DUSP16: variants seen among roughly 807,000 people sequenced by gnomAD.
DUSP16 encodes the protein dual specificity protein phosphatase 16.
DUSP16 carries 21 observed loss-of-function variants against 58.3 expected under a neutral mutation model. The ratio of observed to expected loss-of-function variants is 0.36; its 90% CI spans 0.26 to 0.52. DUSP16 has a LOEUF of 0.52. Ranked by LOEUF, DUSP16 falls within the 20% of genes least tolerant of loss-of-function variation. The pLI is 0.94. For synonymous variants in DUSP16, 320 were observed against 323.8 expected (o/e 0.99, Z 0.12); for missense variants, 726 against 819.0 (o/e 0.89, Z 1.39).
chr12:12,480,246 G>A lies in DUSP16; in HGVS notation c.792C>T (p.Asp264=), dbSNP rs759125027. The change falls in exon 6 of 7, where the codon GAC becomes GAT. Residue 264 remains aspartate, a synonymous_variant. Transcript: ENST00000298573. The part of the protein sequence containing the change: ...IAIAYIMKRM[D]MSLDEAYRFV... ...ACCTGTAAGCTTCATCTAAAGACAT[G>A]TCCATCCTCTTCATGATGTAGGCGA... 49 of 1,614,058 alleles carry A rather than the reference G, an allele frequency of 3.0e-5. No individual in the cohort carries two copies. The highest frequency in any genetic ancestry group is 4.1e-5 in the Non-Finnish European group (48 of 1,180,036).
chr12:12,552,035 T>C (rs190779572), intron 1 of DUSP16, among the ~76,000 whole-genome samples: 269 of 152,284 alleles, frequency 1.8e-3, no homozygotes, highest in African/African-American at 6.4e-3. Context: ...TGTATGCAGT[T>C]ACAAAATCAC....
In DUSP16 at chr12:12,562,209, A is replaced by C. The variant is rs907382947; in HGVS notation, c.-458T>G. The C allele has an allele frequency of 1.3e-5, 2 of 151,236 alleles. No homozygotes were observed. Among genetic ancestry groups the C allele is most frequent in the Non-Finnish European group, 2.9e-5 (2 of 67,866 alleles). The allele number at this position is 151,236 out of a possible 1,614,324, so 9.4% of individuals were successfully genotyped here. On this transcript the variant is annotated 5_prime_UTR_variant, in exon 1 of 7. Transcript: ENST00000298573. ...GCCCCCCTCGCCTCCCGGACTTGCGAGGCGCCGCCGCGGAGCCGAGAGGGC... is the reference window on the plus strand; with the variant it reads ...GCCCCCCTCGCCTCCCGGACTTGCGCGGCGCCGCCGCGGAGCCGAGAGGGC...
chr12:12,502,440 A>C (rs1026674513), intron 3 of DUSP16, among the ~76,000 whole-genome samples: 1 of 152,170 alleles, frequency 6.6e-6, no homozygotes, highest in African/African-American at 2.4e-5. Flanking sequence ...CACTTACTGA[A>C]GTTCTTAAGG....
chr12:12,539,220 G>C (rs1944514352), intron 1 of DUSP16, among the ~76,000 whole-genome samples: 1 of 152,154 alleles, frequency 6.6e-6, no homozygotes, highest in Non-Finnish European at 1.5e-5. Context: ...TGCTTACGAT[G>C]TTTTATATGT....
chr12:12,496,995 A>G (rs1370042861), intron 4 of DUSP16, among the ~76,000 whole-genome samples: 1 of 152,230 alleles, frequency 6.6e-6, no homozygotes, highest in African/African-American at 2.4e-5. Context: ...GGTAGCAGCC[A>G]CAAGCCACAC....
chr12:12,525,371 C>A (rs1592194463), intron 1 of DUSP16, among the ~76,000 whole-genome samples: 1 of 151,948 alleles, frequency 6.6e-6, no homozygotes, highest in Non-Finnish European at 1.5e-5. Context: ...CAGGTTCAAG[C>A]GATTCTCCTG....
chr12:12,503,373 A>C (rs540808584), intron 3 of DUSP16, among the ~76,000 whole-genome samples: 1 of 152,036 alleles, frequency 6.6e-6, no homozygotes, highest in Admixed American at 6.6e-5. Flanking sequence ...CTACAGGCGC[A>C]TGCCACCACA....
rs541023115 is a variant in DUSP16 at position 12,480,127 on chromosome 12, T to A, written c.815+96A>T. ...CCTGTAAAAAATGTGACTAAAATAA[T>A]CATGATCTGCTTTAATTTGGTTACC... On this transcript the variant is annotated intron_variant, in intron 6 of 6. Transcript: ENST00000298573. 1.9e-5 allele frequency: 28 copies of A among 1,475,606 alleles called. No individual in the cohort carries two copies. In the African/African-American group the frequency reaches 3.6e-4, roughly 19 times the overall value. 91.4% of individuals were successfully genotyped at this position (1,475,606 alleles called of 1,614,324 possible).
chr12:12,554,196 C>CAAAAAAAAAAAAAAAA (rs59499569), intron 1 of DUSP16, among the ~76,000 whole-genome samples: 2 of 66,156 alleles, frequency 3.0e-5, no homozygotes, highest in Non-Finnish European at 6.1e-5. Flanking sequence ...AACTGGGTCT[C>CAAAAAAAAAAAAAAAA]AAAAAAAAAA....
chr12:12,479,140 G>A (rs954299000), intron 6 of DUSP16, among the ~76,000 whole-genome samples: 1 of 152,040 alleles, frequency 6.6e-6, no homozygotes, highest in African/African-American at 2.4e-5. Context: ...ATACTAGATG[G>A]CTTTCATGTT....
At chr12:12,513,382 A>G (rs533782476) in intron 3 of DUSP16, among the ~76,000 whole-genome samples, 1 of 152,302 alleles carries the variant, frequency 6.6e-6, no homozygotes, top group African/African-American at 2.4e-5. Context: ...TCTCAAAAAG[A>G]CTGAGAAAGA....
chr12:12,487,292 G>A, intron 4 of DUSP16, 105 bp from the exon 5 acceptor site: 1 of 1,276,664 alleles, frequency 7.8e-7, no homozygotes, highest in Admixed American at 2.1e-5. Flanking sequence ...CAGTTTCCTT[G>A]AAATATAATT....
chr12:12,481,523 G>A (rs1943564737), intron 5 of DUSP16, among the ~76,000 whole-genome samples: 1 of 152,146 alleles, frequency 6.6e-6, no homozygotes, highest in South Asian at 2.1e-4. Context: ...TACTTTGGCA[G>A]CTGAATAATA....
chr12:12,513,957 ACT>A (rs1289588616), intron 3 of DUSP16, among the ~76,000 whole-genome samples: 1 of 152,198 alleles, frequency 6.6e-6, no homozygotes, highest in Non-Finnish European at 1.5e-5. Flanking sequence ...TTTTCAGAGA[ACT>A]AGTTTTCTGC....
intron 3 of DUSP16, among the ~76,000 whole-genome samples, chr12:12,502,785 AGGTGATC>A (rs1943928580): frequency 2.6e-5 from 4 of 152,116 alleles, no homozygotes; most frequent in African/African-American, 9.7e-5. Context: ...TCCTGACCTC[AGGTGATC>A]CACCTGCCTT....
At chr12:12,504,015 T>C (rs1943949607) in intron 3 of DUSP16, among the ~76,000 whole-genome samples, 1 of 152,238 alleles carries the variant, frequency 6.6e-6, no homozygotes. Flanking sequence ...GTGCCCACTG[T>C]TTAGAATTTA....
Position 12,477,025 on chromosome 12 carries a change from C to T in DUSP16, c.1806G>A (p.Lys602=), listed in dbSNP as rs1169368278. The T allele has an allele frequency of 6.2e-7, 1 of 1,614,154 alleles. No homozygotes were observed. Among genetic ancestry groups the T allele is most frequent in the African/African-American group, 1.3e-5 (1 of 74,956 alleles). The change falls in exon 7 of 7, where the codon AAG becomes AAA. Residue 602 remains lysine (K), a synonymous_variant. Transcript: ENST00000298573. The surrounding 1 kb of genome is among the most constrained non-coding windows in gnomAD (Gnocchi z 4.1). ...DQVYSVRRRQ[K]PSDRADSRRS... ...GCCGCGAGTCAGCTCTGTCACTTGG[C>T]TTCTGCCGCCTGCGCACAGAATAGA...
chr12:12,487,094 C>A lies in DUSP16; in HGVS notation c.625G>T (p.Val209Leu). ...TCACAAAAGCTGTCATTCACAGGCA[C>A]ACGCAGGAAATGAGACTCGGGGATA... is the stretch of plus-strand genomic sequence containing the variant. ...DFIPESHFLRVPVNDSFCEKI... is the reference protein window; with the variant it reads ...DFIPESHFLRLPVNDSFCEKI... The change falls in exon 5 of 7, where the codon GTG (valine) becomes TTG (leucine). Residue 209 changes from valine to leucine, a missense_variant. Physicochemically the swap from Val to Leu is conservative, Grantham distance 32. Coordinates refer to ENST00000298573, the MANE Select transcript of DUSP16 (RefSeq NM_030640.3). 6.2e-7 allele frequency: 1 copy of A among 1,614,156 alleles called. No individual in the cohort carries two copies. Among genetic ancestry groups the A allele is most frequent in the Non-Finnish European group, 8.5e-7 (1 of 1,180,014 alleles).
In DUSP16 at chr12:12,554,220, GC is replaced by G. The variant is rs1184587872; in HGVS notation, c.-366+7896del. Among the ~76,000 whole-genome samples, 67 of 92,460 alleles carry G rather than the reference GC, an allele frequency of 7.2e-4. No individual in the cohort carries two copies. In the South Asian group the frequency reaches 0.01, roughly 14 times the overall value. The allele number at this position is 92,460 out of a possible 152,430, so 60.7% of individuals were successfully genotyped here. On this transcript the variant is annotated intron_variant, in intron 1 of 6. Coordinates refer to ENST00000298573, the MANE Select transcript of DUSP16 (RefSeq NM_030640.3). ...TCAAAAAAAAAAAAAAAAAAAAAAAGCCAAGTGCAGACTTTTGATTAGCTAA... is the reference window on the plus strand; with the variant it reads ...TCAAAAAAAAAAAAAAAAAAAAAAAGCAAGTGCAGACTTTTGATTAGCTAA...
Sources: gnomAD v4.1 joint callset for allele counts (sites outside exome capture counted in the v4.1 genomes callset) on GRCh38, gnomAD v4.1.1 for gene constraint, Gnocchi (gnomAD v3.1) non-coding constraint, MANE v1.5 for transcripts, NCBI Gene and HGNC (gene_info 2026-07-23, HGNC 2026-07-21) for gene names.